STK32B: variants seen among roughly 807,000 people sequenced by gnomAD.
STK32B encodes serine/threonine kinase 32B.
A neutral mutation model predicts 52.6 loss-of-function variants in STK32B; 43 were observed. The ratio of observed to expected loss-of-function variants is 0.82; its 90% confidence interval spans 0.64 to 1.05. The LOEUF is 1.05. Among genes scored for constraint, STK32B ranks in the 50% least tolerant of loss-of-function variants. The pLI is 0.00. For missense variants in STK32B, 621 were observed against 534.6 expected (o/e 1.16, Z -1.59); for synonymous variants, 238 against 204.3 (o/e 1.17, Z -1.41).
chr4:5,456,038 G>A (rs776472418), intron 7 of STK32B, among the ~76,000 whole-genome samples: 11 of 149,672 alleles, frequency 7.3e-5, no homozygotes, highest in Non-Finnish European at 1.6e-4. Context: ...GGGAGATAAT[G>A]TTCATGGGGG....
In STK32B at chr4:5,316,152, AATATATATAACTAAAT is replaced by A. The variant is rs1213183750; in HGVS notation, c.261-15043_261-15028del. On this transcript the variant is annotated intron_variant, in intron 3 of 11. Transcript: ENST00000282908. ...TTCAAGTTATATATATATATAACTAAATATATATAACTAAATATATATATAACTAAATATATATATT... is the reference window on the plus strand; with the variant it reads ...TTCAAGTTATATATATATATAACTAAATATATATAACTAAATATATATATT... Among the ~76,000 whole-genome samples, 174 of 90,626 alleles carry A rather than the reference AATATATATAACTAAAT, an allele frequency of 1.9e-3. 1 individual carries two copies. The highest frequency in any genetic ancestry group is 2.8e-3 in the Non-Finnish European group (147 of 52,036). 59.5% of individuals were successfully genotyped at this position (90,626 alleles called of 152,430 possible).
intron 3 of STK32B, among the ~76,000 whole-genome samples, chr4:5,290,303 CTT>C (rs1376702377): frequency 1.1e-3 from 162 of 149,974 alleles, no homozygotes; most frequent in Non-Finnish European, 2.1e-4. Context: ...TTTTTTGACT[CTT>C]TTGTAATAAC....
At chr4:5,452,264 CA>C (rs1305206375) in intron 7 of STK32B, among the ~76,000 whole-genome samples, 2 of 152,104 alleles carry the variant, frequency 1.3e-5, no homozygotes, top group Non-Finnish European at 2.9e-5. Context: ...GTTGAGGGTA[CA>C]GAGAGGCCAG....
At chr4:5,291,852 T>G (rs1436709293) in intron 3 of STK32B, among the ~76,000 whole-genome samples, 1 of 152,108 alleles carries the variant, frequency 6.6e-6, no homozygotes, top group Non-Finnish European at 1.5e-5. Flanking sequence ...AACGCCTTTC[T>G]GTCTCTTTTT....
Position 5,245,740 on chromosome 4 carries a change from C to G in STK32B, c.260+77290C>G, listed in dbSNP as rs10015426. On this transcript the variant is annotated intron_variant, in intron 3 of 11. Transcript: ENST00000282908. Reference sequence around the variant, plus strand: ...TGTTCCTTTCCATGTTTAGTGCTTCCTTCAGGAGCTCTTTTAGGGCAGGCC... The same window carrying G: ...TGTTCCTTTCCATGTTTAGTGCTTCGTTCAGGAGCTCTTTTAGGGCAGGCC... Among the ~76,000 whole-genome samples the G allele has an allele frequency of 4.8e-3, 733 of 152,260 alleles. 6 individuals are homozygous for G. The highest frequency in any genetic ancestry group is 0.016 in the South Asian group (75 of 4,812).
chr4:5,246,625 T>C (rs1725469571), intron 3 of STK32B, among the ~76,000 whole-genome samples: 1 of 152,226 alleles, frequency 6.6e-6, no homozygotes, highest in African/African-American at 2.4e-5. Flanking sequence ...AGGAGCTGCG[T>C]TCCTTTGGAG....
chr4:5,098,733 C>T (rs1713537019), intron 1 of STK32B, among the ~76,000 whole-genome samples: 1 of 152,168 alleles, frequency 6.6e-6, no homozygotes, highest in Admixed American at 6.5e-5. Context: ...CCCAGCTGTT[C>T]TCTCTTTTAC....
intron 1 of STK32B, among the ~76,000 whole-genome samples, chr4:5,122,461 AGTT>A (rs1479437191): frequency 6.6e-6 from 1 of 151,684 alleles, no homozygotes; most frequent in Non-Finnish European, 1.5e-5. Context: ...TTATCCATTC[AGTT>A]GTTAACTCCT....
intron 3 of STK32B, among the ~76,000 whole-genome samples, chr4:5,271,636 G>A (rs1727437825): frequency 6.8e-6 from 1 of 147,854 alleles, no homozygotes; most frequent in Non-Finnish European, 1.5e-5. Flanking sequence ...CTACCCATGA[G>A]CATGGAATGT....
At chr4:5,391,850 T>C (rs1397663668) in intron 4 of STK32B, among the ~76,000 whole-genome samples, 1 of 152,226 alleles carries the variant, frequency 6.6e-6, no homozygotes, top group Non-Finnish European at 1.5e-5. Context: ...TGTATGATGG[T>C]AGCACTTGGC....
intron 2 of STK32B, among the ~76,000 whole-genome samples, chr4:5,164,866 G>T (rs1276742155): frequency 6.6e-6 from 1 of 152,194 alleles, no homozygotes; most frequent in Non-Finnish European, 1.5e-5. Flanking sequence ...ATTAGATTTA[G>T]CTTAGCTCTT....
At chr4:5,308,622 A>G (rs996291568) in intron 3 of STK32B, among the ~76,000 whole-genome samples, 2 of 152,198 alleles carry the variant, frequency 1.3e-5, no homozygotes, top group Admixed American at 1.3e-4. Flanking sequence ...TCTTCTAATT[A>G]GGTAACCCCA....
At chr4:5,407,507 G>T (rs1233807610) in intron 5 of STK32B, among the ~76,000 whole-genome samples, 2 of 152,080 alleles carry the variant, frequency 1.3e-5, no homozygotes, top group African/African-American at 2.4e-5. Flanking sequence ...CCTGAGACTA[G>T]GTAATTTATG....
chr4:5,205,327 C>T (rs1722481759), intron 3 of STK32B, among the ~76,000 whole-genome samples: 1 of 152,212 alleles, frequency 6.6e-6, no homozygotes, highest in Non-Finnish European at 1.5e-5. Flanking sequence ...AGTACAATCT[C>T]CATAATCCTG....
In STK32B at chr4:5,065,011, T is replaced by G. The variant is rs188976835; in HGVS notation, c.52+13096T>G. On this transcript the variant is annotated intron_variant, in intron 1 of 11. Coordinates refer to ENST00000282908, the MANE Select transcript of STK32B (RefSeq NM_018401.3). ...CTTTTCTGGCTGTTCCTTCTCCTTC[T>G]TCTTTGCAAGGCTGGCTTCCTGTCA... 1.7e-3 allele frequency among the ~76,000 whole-genome samples: 256 copies of G among 151,936 alleles called. 2 individuals carry two copies. The highest frequency in any genetic ancestry group is 4.1e-3 in the African/African-American group (170 of 41,430).
At position 5,456,815 on chromosome 4, in the gene STK32B, C is replaced by G. The variant is rs776978325; in HGVS notation, c.675C>G (p.Tyr225Ter). 5.7e-6 allele frequency: 9 copies of G among 1,580,594 alleles called. No individual in the cohort carries two copies. Among genetic ancestry groups the G allele is most frequent in the African/African-American group, 1.3e-5 (1 of 74,282 alleles). Residue 225 changes from tyrosine to a stop codon, truncating the protein, a stop_gained, in exon 8 of 12, where the codon TAC (tyrosine) becomes TAG (stop). Transcript: ENST00000282908. LOFTEE classifies it high-confidence loss of function. ...TTGTTCTTTGATTGCAGAGGCCGTACGAAATCCACTCGGTCACGCCCATCG... is the reference window on the plus strand; with the variant it reads ...TTGTTCTTTGATTGCAGAGGCCGTAGGAAATCCACTCGGTCACGCCCATCG... ...AYELLRGWRP[Y>*]EIHSVTPIDE...
intron 4 of STK32B, among the ~76,000 whole-genome samples, chr4:5,368,759 C>T (rs533962710): frequency 3.2e-4 from 48 of 152,310 alleles, no homozygotes; most frequent in African/African-American, 1.0e-3. Context: ...CTGAAAAACA[C>T]CCCAGAAATC....
chr4:5,342,011 A>G (rs1733116416), intron 4 of STK32B, among the ~76,000 whole-genome samples: 1 of 152,104 alleles, frequency 6.6e-6, no homozygotes, highest in African/African-American at 2.4e-5. Context: ...CTACTCCATG[A>G]CAGGCCCCAG....
At chr4:5,481,164 T>G (rs1718670102) in intron 11 of STK32B, among the ~76,000 whole-genome samples, 2 of 152,232 alleles carry the variant, frequency 1.3e-5, no homozygotes, top group Non-Finnish European at 2.9e-5. Context: ...CGACACTGAC[T>G]TGCACAATGG....
Sources: gnomAD v4.1 joint callset for allele counts (sites outside exome capture counted in the v4.1 genomes callset) on GRCh38, gnomAD v4.1.1 for gene constraint, MANE v1.5 for transcripts, NCBI Gene and HGNC (gene_info 2026-07-23, HGNC 2026-07-21) for gene names.